The following IL1RL2 variants were observed in gnomAD, a reference collection of about 807,000 sequenced individuals.
IL1RL2 encodes the protein interleukin-1 receptor-like 2.
Under a neutral mutation model 66.8 loss-of-function variants are expected in IL1RL2, and 68 were observed. The ratio of observed to expected loss-of-function variants is 1.02; its 90% CI spans 0.84 to 1.25. The LOEUF is 1.25. IL1RL2 is among the 50% of genes most tolerant of loss of function. The pLI is 0.00. For synonymous variants in IL1RL2, 305 were observed against 264.6 expected, an observed-to-expected ratio of 1.15 and a Z score of -1.48; for missense variants, 729 against 709.3, an observed-to-expected ratio of 1.03 and a Z score of -0.32.
At chr2:102,195,647 CTTTCTTTCTT>C (rs745878600) in intron 4 of IL1RL2, among the ~76,000 whole-genome samples, 4,531 of 54,684 alleles carry the variant, frequency 0.083, 375 homozygotes, top group African/African-American at 0.11. Flanking sequence ...CTCTCTCTCT[CTTTCTTTCTT>C]TCTTTCTTTC....
chr2:102,188,126 C>G (rs1042836371), intron 2 of IL1RL2, among the ~76,000 whole-genome samples: 3 of 152,214 alleles, frequency 2.0e-5, no homozygotes, highest in African/African-American at 4.8e-5. Flanking sequence ...CGCCTTTGAG[C>G]TTGGAGGTGA....
intron 11 of IL1RL2, among the ~76,000 whole-genome samples, chr2:102,237,888 G>A (rs554408224): frequency 1.4e-4 from 22 of 152,216 alleles, no homozygotes; most frequent in Admixed American, 2.6e-4. Context: ...ATTCTCTCCC[G>A]TTTCTCCAGC....
chr2:102,219,189 A>G (rs1689876170), intron 7 of IL1RL2, 107 bp downstream of exon 7: 5 of 1,235,096 alleles, frequency 4.0e-6, no homozygotes, highest in Non-Finnish European at 4.7e-6. Flanking sequence ...CCTCTCAATG[A>G]TTCATGTTAT....
In IL1RL2 at chr2:102,239,599, G is replaced by T; in HGVS notation, c.*358G>T. The stretch of plus-strand genomic sequence containing the variant: ...TGGGGGTATCCCTGTGTCATGGTGG[G>T]TGAGGGCGGGTGGTCATCCACATGG... On this transcript the variant is annotated 3_prime_UTR_variant, in exon 12 of 12. Transcript: ENST00000264257. 3.9e-6 allele frequency: 1 copy of T among 259,332 alleles called. No individual in the cohort carries two copies. Among genetic ancestry groups the T allele is most frequent in the Admixed American group, 4.3e-5 (1 of 23,402 alleles). 16.1% of individuals were successfully genotyped at this position (259,332 alleles called of 1,614,324 possible).
chr2:102,239,858 A>T lies in IL1RL2; in HGVS notation c.*617A>T, dbSNP rs1675176383. 1 of 154,392 alleles carries T rather than the reference A, an allele frequency of 6.5e-6. No individual in the cohort carries two copies. Among genetic ancestry groups the T allele is most frequent in the Non-Finnish European group, 1.4e-5 (1 of 69,218 alleles). The allele number at this position is 154,392 out of a possible 1,614,324, so 9.6% of individuals were successfully genotyped here. Reference sequence around the variant, plus strand: ...GAGAGTTGGGATTCATCCCCATGTCATGGTGGGCTGAGCCCACATGGAAGC... The same window carrying T: ...GAGAGTTGGGATTCATCCCCATGTCTTGGTGGGCTGAGCCCACATGGAAGC... On this transcript the variant is annotated 3_prime_UTR_variant, in exon 12 of 12. Transcript: ENST00000264257.
At chr2:102,240,360 CCTTT>C (rs1675194868), downstream of IL1RL2, among the ~76,000 whole-genome samples, 1 of 112,728 alleles carries the variant, frequency 8.9e-6, no homozygotes, top group Non-Finnish European at 1.8e-5. Flanking sequence ...TTCTTCTCCT[CCTTT>C]TTTTTTTTTT....
At chr2:102,208,432 T>G (rs956432595) in intron 5 of IL1RL2, among the ~76,000 whole-genome samples, 1 of 152,246 alleles carries the variant, frequency 6.6e-6, no homozygotes, top group African/African-American at 2.4e-5. Flanking sequence ...CAGGCCAGCA[T>G]TGGTTTTTCC....
rs777902543 is a variant in IL1RL2, at chr2:102,187,844, C to G, written c.-12-12C>G. ...CGTCCTCCCCTCCCACCCTCTTCTC[C>G]CTTCCTTGCAGCCCGGTTTGGGGAT... On this transcript the variant is annotated splice_polypyrimidine_tract_variant and intron_variant, in intron 1 of 11. Coordinates refer to ENST00000264257, the MANE Select transcript of IL1RL2 (RefSeq NM_003854.4). The G allele has an allele frequency of 1.2e-6, 2 of 1,613,798 alleles. No individual in the cohort carries two copies. Among genetic ancestry groups the G allele is most frequent in the Non-Finnish European group, 8.5e-7 (1 of 1,179,680 alleles).
intron 8 of IL1RL2, among the ~76,000 whole-genome samples, chr2:102,220,413 A>G (rs1690002058): frequency 6.6e-6 from 1 of 152,240 alleles, no homozygotes; most frequent in African/African-American, 2.4e-5. Flanking sequence ...TTGTAAAATT[A>G]TCTGTAGAGG....
chr2:102,206,621 T>C (rs1451542299), intron 5 of IL1RL2, among the ~76,000 whole-genome samples: 2 of 152,230 alleles, frequency 1.3e-5, no homozygotes, highest in Non-Finnish European at 2.9e-5. Flanking sequence ...CTAAAGCTGA[T>C]GGTGGAGTGA....
intron 9 of IL1RL2, among the ~76,000 whole-genome samples, chr2:102,232,721 C>T (rs969398341): frequency 2.6e-5 from 4 of 152,108 alleles, no homozygotes; most frequent in Non-Finnish European, 5.9e-5. Flanking sequence ...AGATGTGATG[C>T]AGCCTACCCA....
At chr2:102,232,806 C>T (rs967837092) in intron 9 of IL1RL2, among the ~76,000 whole-genome samples, 157 bp from the exon 10 acceptor site, 1 of 152,178 alleles carries the variant, frequency 6.6e-6, no homozygotes, top group African/African-American at 2.4e-5. Context: ...GAGATGATGT[C>T]CCTTGGCAGC....
chr2:102,197,031 T>A (rs1359872513), intron 4 of IL1RL2, among the ~76,000 whole-genome samples: 2 of 152,148 alleles, frequency 1.3e-5, no homozygotes, highest in Admixed American at 1.3e-4. Flanking sequence ...GCGGTTCATT[T>A]CAGAAAGTTA....
rs147806970 is a variant in IL1RL2, at chr2:102,235,319, G to T, written c.1678+42G>T. ...ACACGAGGTTTGTCACGCACTGATG[G>T]AGGGTCTATCATTGCGTGGTGGCTC... On this transcript the variant is annotated intron_variant, in intron 11 of 11. Transcript: ENST00000264257. 9.5e-4 allele frequency: 1,517 copies of T among 1,589,300 alleles called. 7 individuals are homozygous for T. Among genetic ancestry groups the T allele is most frequent in the Middle Eastern group, 5.8e-3 (26 of 4,448 alleles).
chr2:102,219,666 C>G (rs577958003), intron 7 of IL1RL2, among the ~76,000 whole-genome samples: 1 of 152,104 alleles, frequency 6.6e-6, no homozygotes, highest in Admixed American at 6.6e-5. Flanking sequence ...CTGTAGCTAA[C>G]AGAACCATAC....
intron 9 of IL1RL2, among the ~76,000 whole-genome samples, chr2:102,229,573 G>A (rs1160268432): frequency 3.3e-5 from 5 of 152,194 alleles, no homozygotes; most frequent in African/African-American, 2.4e-5. Context: ...AAGCAAAGCC[G>A]GGAAATGTTG....
intron 7 of IL1RL2, among the ~76,000 whole-genome samples, chr2:102,219,502 G>T (rs1559551769): frequency 6.6e-6 from 1 of 152,166 alleles, no homozygotes; most frequent in Admixed American, 6.5e-5. Context: ...AATTGAATGG[G>T]TATAAACTCA....
chr2:102,211,407 A>G (rs1412643076), intron 5 of IL1RL2, among the ~76,000 whole-genome samples: 1 of 152,142 alleles, frequency 6.6e-6, no homozygotes, highest in Non-Finnish European at 1.5e-5. Context: ...GAATAATAGT[A>G]GAAGAGGACG....
chr2:102,211,918 A>ATTT (rs138145179), intron 5 of IL1RL2, among the ~76,000 whole-genome samples, 182 bp from the exon 6 acceptor site: 39 of 150,270 alleles, frequency 2.6e-4, no homozygotes, highest in South Asian at 8.4e-4. Flanking sequence ...CTTCTAGCTT[A>ATTT]TTTTTTTTTT....
Sources: gnomAD v4.1 joint callset for allele counts (sites outside exome capture counted in the v4.1 genomes callset) on GRCh38, gnomAD v4.1.1 for gene constraint, MANE v1.5 for transcripts, NCBI Gene and HGNC (gene_info 2026-07-23, HGNC 2026-07-21) for gene names.